The following DCC variants were observed in gnomAD, a reference collection of about 807,000 sequenced individuals.
DCC encodes netrin receptor DCC.
DCC carries 58 observed loss-of-function variants against 172.5 expected under a neutral mutation model. The observed-to-expected ratio is 0.34, with a 90% CI of 0.27 to 0.42. The LOEUF is 0.42. Among genes scored for constraint, DCC ranks in the 10% least tolerant of loss-of-function variants. The probability of loss-of-function intolerance (pLI) is 1.00; values close to 1 mark genes in which losing one functional copy is unlikely to be tolerated. For synonymous variants in DCC, 709 were observed against 644.5 expected (o/e 1.10, Z -1.52); for missense variants, 1,740 against 1,791.0 (o/e 0.97, Z 0.51).
intron 5 of DCC, among the ~76,000 whole-genome samples, chr18:52,950,472 A>G (rs552942117): frequency 6.6e-6 from 1 of 152,334 alleles, no homozygotes; most frequent in East Asian, 1.9e-4. Flanking sequence ...CTCTAAACAA[A>G]TTCCTTTGGA....
chr18:53,226,831 G>A (rs2056036177), intron 12 of DCC, among the ~76,000 whole-genome samples: 1 of 149,692 alleles, frequency 6.7e-6, no homozygotes, highest in South Asian at 2.1e-4. Context: ...TTTATAATCA[G>A]TCATTATTAA....
intron 2 of DCC, among the ~76,000 whole-genome samples, chr18:52,879,411 G>GTTTTTTTTTTT (rs1568164319): frequency 1.1e-4 from 5 of 44,964 alleles, no homozygotes; most frequent in African/African-American, 1.6e-4. Flanking sequence ...ATGTTGTTTG[G>GTTTTTTTTTTT]CTTTTTTTTT....
chr18:52,929,808 G>GACTTTGCA (rs2040276302), intron 5 of DCC, among the ~76,000 whole-genome samples: 1 of 138,450 alleles, frequency 7.2e-6, no homozygotes, highest in African/African-American at 2.8e-5. Flanking sequence ...CAAAGACCTG[G>GACTTTGCA]ACTTTGCAAA....
At chr18:52,986,382 A>G (rs976938837) in intron 5 of DCC, among the ~76,000 whole-genome samples, 2 of 152,196 alleles carry the variant, frequency 1.3e-5, no homozygotes, top group Non-Finnish European at 2.9e-5. Context: ...TCTTAGACAG[A>G]CTTTCCTATT....
intron 15 of DCC, among the ~76,000 whole-genome samples, chr18:53,354,510 C>T (rs1383712378): frequency 6.6e-6 from 1 of 152,082 alleles, no homozygotes; most frequent in Non-Finnish European, 1.5e-5. Flanking sequence ...TCTCTGATGG[C>T]CAGTGATGAT....
At chr18:52,348,145 G>A (rs8083764) in intron 1 of DCC, among the ~76,000 whole-genome samples, 1 of 151,920 alleles carries the variant, frequency 6.6e-6, no homozygotes, top group African/African-American at 2.4e-5. Flanking sequence ...CATCTATGTG[G>A]ATTCATATTG....
rs80270462 is a variant in DCC at position 53,203,862 on chromosome 18, T to C, written c.1574-1354T>C. Among the ~76,000 whole-genome samples the C allele has an allele frequency of 8.3e-4, 127 of 152,312 alleles. 3 individuals carry two copies. In the East Asian group the frequency reaches 0.021, roughly 26 times the overall value. The stretch of plus-strand genomic sequence containing the variant: ...TTGTTGATTTTAGGTAACCATAGTG[T>C]GGCCATTGCATTTACCATTTACAAG... On this transcript the variant is annotated intron_variant, in intron 9 of 28. Transcript: ENST00000442544.
Position 52,925,988 on chromosome 18 carries a change from C to G in DCC, c.985+618C>G, listed in dbSNP as rs191168744. On this transcript the variant is annotated intron_variant, in intron 5 of 28. Coordinates refer to ENST00000442544, the MANE Select transcript of DCC (RefSeq NM_005215.4). ...TTCTTCTACATGGCAGTTATTCAAA[C>G]AAACACATATTTTTATCACTTACTC... 5.3e-5 allele frequency among the ~76,000 whole-genome samples: 8 copies of G among 151,728 alleles called. No homozygotes were observed. The East Asian group carries it at 7.8e-4, about 15-fold the overall frequency.
At position 52,815,411 on chromosome 18, in the gene DCC, T is replaced by TACACACACACACACAC. The variant is rs34924244; in HGVS notation, c.412+63048_412+63063dup. Among the ~76,000 whole-genome samples the TACACACACACACACAC allele has an allele frequency of 2.2e-3, 336 of 150,104 alleles. 1 individual carries two copies. The highest frequency in any genetic ancestry group is 7.8e-3 in the African/African-American group (317 of 40,676). ...TCACTTGCGCTTGCCTTCTCACACG[T>TACACACACACACACAC]ACACACACACACACACACACACACA... On this transcript the variant is annotated intron_variant, in intron 2 of 28. Coordinates refer to ENST00000442544, the MANE Select transcript of DCC (RefSeq NM_005215.4).
chr18:52,991,189 C>G (rs769926003), intron 5 of DCC, among the ~76,000 whole-genome samples: 8 of 152,146 alleles, frequency 5.3e-5, no homozygotes, highest in Non-Finnish European at 1.2e-4. Context: ...ATTGTAGAAC[C>G]TGTGGCATAT....
intron 2 of DCC, among the ~76,000 whole-genome samples, chr18:52,878,651 T>C (rs12326720): frequency 0.042 from 6,318 of 151,476 alleles, 180 homozygotes; most frequent in Non-Finnish European, 0.062. Context: ...TTCTCTCACA[T>C]GTTATTTTTA....
At chr18:53,389,827 C>G (rs1269463750) in intron 16 of DCC, among the ~76,000 whole-genome samples, 1 of 152,098 alleles carries the variant, frequency 6.6e-6, no homozygotes, top group Non-Finnish European at 1.5e-5. Context: ...TGACTATTTC[C>G]ATTTCTTGAA....
At chr18:52,624,283 C>A (rs1309060201) in intron 1 of DCC, among the ~76,000 whole-genome samples, 1 of 151,970 alleles carries the variant, frequency 6.6e-6, no homozygotes, top group South Asian at 2.1e-4. Context: ...TCAATTAATC[C>A]TTCTCGTCTG....
intron 1 of DCC, among the ~76,000 whole-genome samples, chr18:52,493,379 A>G (rs1751502457): frequency 6.6e-6 from 1 of 152,072 alleles, no homozygotes; most frequent in South Asian, 2.1e-4. Flanking sequence ...CACAAAATAC[A>G]AGAAAAATTA....
chr18:53,417,667 T>TA (rs942677781), intron 21 of DCC, among the ~76,000 whole-genome samples: 1 of 151,920 alleles, frequency 6.6e-6, no homozygotes, highest in African/African-American at 2.4e-5. Flanking sequence ...AATTATATTT[T>TA]AAAATAATAG....
chr18:52,521,111 G>A (rs562101520), intron 1 of DCC, among the ~76,000 whole-genome samples: 26 of 151,878 alleles, frequency 1.7e-4, no homozygotes, highest in African/African-American at 5.1e-4. Flanking sequence ...TCTTTTTCTC[G>A]CTTTGCATGT....
At chr18:52,920,200 G>A (rs2040101011) in intron 3 of DCC, among the ~76,000 whole-genome samples, 1 of 151,908 alleles carries the variant, frequency 6.6e-6, no homozygotes, top group African/African-American at 2.4e-5. Context: ...CATGAAAGGA[G>A]AAGTTGATAA....
At chr18:53,393,183 T>C (rs1019064755) in intron 17 of DCC, among the ~76,000 whole-genome samples, 6 of 152,172 alleles carry the variant, frequency 3.9e-5, no homozygotes, top group Non-Finnish European at 5.9e-5. Context: ...CCTGGAGCTA[T>C]AGCTAAATCC....
chr18:53,090,968 T>C (rs2042998815), intron 7 of DCC, among the ~76,000 whole-genome samples: 1 of 151,880 alleles, frequency 6.6e-6, no homozygotes, highest in African/African-American at 2.4e-5. Context: ...TGTTAACAGC[T>C]CCTCTGGCAA....
Sources: gnomAD v4.1 joint callset for allele counts (sites outside exome capture counted in the v4.1 genomes callset) on GRCh38, gnomAD v4.1.1 for gene constraint, MANE v1.5 for transcripts, NCBI Gene and HGNC (gene_info 2026-07-23, HGNC 2026-07-21) for gene names.